Variants in ZFTRAF1 observed in about 807,000 individuals in gnomAD.
The protein encoded by ZFTRAF1 is zinc finger TRAF-type and ring finger containing 1, also known as zinc finger TRAF-type-containing protein 1.
At chr8:144,462,310 C>G in the ZFTRAF1 span, 2 of 600,074 alleles carry the variant, frequency 3.3e-6, no homozygotes, top group Non-Finnish European at 3.0e-6. Flanking sequence ...TGGGCAGGTC[C>G]AGGCACACGG....
the ZFTRAF1 span, chr8:144,450,199 T>G: frequency 3.5e-6 from 2 of 574,296 alleles, no homozygotes. Flanking sequence ...GTCGGGGGGG[T>G]GAGCCGGAGG....
the ZFTRAF1 span, chr8:144,454,659 C>T: frequency 6.6e-6 from 1 of 152,320 alleles, no homozygotes; most frequent in South Asian, 2.1e-4. Context: ...AGCAGAGCAG[C>T]CTGCCCAGGC....
the ZFTRAF1 span, among the ~76,000 whole-genome samples, chr8:144,458,911 G>A: frequency 7.2e-4 from 109 of 152,338 alleles, no homozygotes; most frequent in African/African-American, 2.3e-3. Context: ...GCCCCTGCCC[G>A]GCACTTACAC....
At chr8:144,458,161 G>A in the ZFTRAF1 span, among the ~76,000 whole-genome samples, 1 of 152,226 alleles carries the variant, frequency 6.6e-6, no homozygotes, top group African/African-American at 2.4e-5. Context: ...CAGCTGTTAA[G>A]CATGAAGCCA....
chr8:144,462,445 G>C, the ZFTRAF1 span: 1 of 255,710 alleles, frequency 3.9e-6, no homozygotes, highest in Non-Finnish European at 7.1e-6. Context: ...CGGGGTCGCC[G>C]GCCGCCTCCT....
the ZFTRAF1 span, among the ~76,000 whole-genome samples, chr8:144,460,429 G>A: frequency 1.3e-5 from 2 of 152,334 alleles, no homozygotes; most frequent in East Asian, 3.9e-4. Context: ...CAGTCTAGAT[G>A]GGGGATGCAG....
At chr8:144,459,629 CATCTGGT>C in the ZFTRAF1 span, among the ~76,000 whole-genome samples, 7 of 152,352 alleles carry the variant, frequency 4.6e-5, no homozygotes, top group Non-Finnish European at 7.3e-5. Context: ...GCACTGGTGG[CATCTGGT>C]ATCTGGATGA....
chr8:144,461,992 G>T, the ZFTRAF1 span, among the ~76,000 whole-genome samples: 1 of 152,182 alleles, frequency 6.6e-6, no homozygotes, highest in East Asian at 1.9e-4. Flanking sequence ...CTAGAAAAAA[G>T]AAGGGAGAGG....
At chr8:144,450,177 G>C in the ZFTRAF1 span, 1 of 563,344 alleles carries the variant, frequency 1.8e-6, no homozygotes, top group African/African-American at 1.9e-5. Flanking sequence ...CTCGGAAGGA[G>C]GGGAGGCAGG....
chr8:144,449,978 C>T, the ZFTRAF1 span: 2 of 225,068 alleles, frequency 8.9e-6, no homozygotes, highest in Admixed American at 5.1e-5. Flanking sequence ...TCGGATATCC[C>T]GTCTGATGTC....
chr8:144,461,307 G>T, the ZFTRAF1 span, among the ~76,000 whole-genome samples: 2 of 152,234 alleles, frequency 1.3e-5, no homozygotes, highest in East Asian at 3.8e-4. Context: ...AGCTGACAGA[G>T]AACCTGCTTC....
At chr8:144,451,757 C>T in the ZFTRAF1 span, 1 of 166,910 alleles carries the variant, frequency 6.0e-6, no homozygotes, top group African/African-American at 2.4e-5. Context: ...TGGCAGCGGC[C>T]CAGAGAGCCA....
chr8:144,458,575 G>T, the ZFTRAF1 span, among the ~76,000 whole-genome samples: 1 of 152,126 alleles, frequency 6.6e-6, no homozygotes, highest in Non-Finnish European at 1.5e-5. Context: ...TGTGGGGCTC[G>T]GGCAGAGAGG....
At chr8:144,453,650 G>A in the ZFTRAF1 span, 1 of 593,556 alleles carries the variant, frequency 1.7e-6, no homozygotes, top group South Asian at 2.1e-5. Flanking sequence ...AACAGGCAGA[G>A]CCAGCTTGGG....
At chr8:144,453,216 A>T in the ZFTRAF1 span, 1 of 1,550,198 alleles carries the variant, frequency 6.5e-7, no homozygotes, top group Non-Finnish European at 8.7e-7. Flanking sequence ...CCTGACCCTC[A>T]GTTACCTGTC....
At chr8:144,461,117 C>T in the ZFTRAF1 span, among the ~76,000 whole-genome samples, 1 of 152,148 alleles carries the variant, frequency 6.6e-6, no homozygotes, top group Non-Finnish European at 1.5e-5. Flanking sequence ...CTGGGGTCCT[C>T]CCGACAAGGT....
the ZFTRAF1 span, chr8:144,452,488 C>T: frequency 9.7e-6 from 15 of 1,546,466 alleles, no homozygotes; most frequent in Admixed American, 2.0e-5. Flanking sequence ...GTCGGGTGGG[C>T]GCACGCAGCC....
At chr8:144,453,331 G>A in the ZFTRAF1 span, 46 of 1,551,122 alleles carry the variant, frequency 3.0e-5, no homozygotes, top group Non-Finnish European at 3.5e-5. Flanking sequence ...TCCACGGCCA[G>A]GTTCCGGCAG....
the ZFTRAF1 span, among the ~76,000 whole-genome samples, chr8:144,458,745 GGA>G: frequency 1.3e-5 from 2 of 152,206 alleles, no homozygotes; most frequent in East Asian, 3.9e-4. Flanking sequence ...CTTGTAGCAA[GGA>G]GAGAACAAAG....
Sources: gnomAD v4.1 joint callset for allele counts (sites outside exome capture counted in the v4.1 genomes callset) on GRCh38, gnomAD v4.1.1 for gene constraint, MANE v1.5 for transcripts, NCBI Gene and HGNC (gene_info 2026-07-23, HGNC 2026-07-21) for gene names.